SPMAP2L: variants seen among roughly 807,000 people sequenced by gnomAD.
The protein encoded by SPMAP2L is sperm microtubule associated protein 2 like.
chr4:56,562,679 T>A, the SPMAP2L span, among the ~76,000 whole-genome samples: 1 of 152,134 alleles, frequency 6.6e-6, no homozygotes, highest in Non-Finnish European at 1.5e-5. Flanking sequence ...CTTATATCTT[T>A]ATTTTACTTA....
the SPMAP2L span, chr4:56,600,783 A>G: frequency 2.7e-6 from 2 of 743,686 alleles, no homozygotes; most frequent in Admixed American, 2.9e-5. Flanking sequence ...TGCATTGTAC[A>G]GGAGCAAGGA....
the SPMAP2L span, among the ~76,000 whole-genome samples, chr4:56,537,947 C>T: frequency 1.3e-5 from 2 of 152,094 alleles, no homozygotes; most frequent in East Asian, 1.9e-4. Context: ...CCCGCCTCGG[C>T]CCCCCAAAGT....
the SPMAP2L span, among the ~76,000 whole-genome samples, chr4:56,545,896 G>A: frequency 1.3e-5 from 2 of 151,984 alleles, no homozygotes; most frequent in Non-Finnish European, 2.9e-5. Context: ...GGGTTCAAGC[G>A]ATTCTCCTGC....
chr4:56,598,200 T>C, the SPMAP2L span, among the ~76,000 whole-genome samples: 4 of 151,970 alleles, frequency 2.6e-5, no homozygotes, highest in Admixed American at 6.6e-5. Flanking sequence ...TAAAAGAGAG[T>C]AGTAGATGTC....
At chr4:56,536,203 C>T in the SPMAP2L span, among the ~76,000 whole-genome samples, 2 of 152,216 alleles carry the variant, frequency 1.3e-5, no homozygotes, top group Non-Finnish European at 2.9e-5. Flanking sequence ...CTTAGCAGGC[C>T]TACAAGGCCC....
At chr4:56,576,282 G>A in the SPMAP2L span, among the ~76,000 whole-genome samples, 1 of 152,164 alleles carries the variant, frequency 6.6e-6, no homozygotes, top group Non-Finnish European at 1.5e-5. Flanking sequence ...TATGTTATGT[G>A]AAAAATAATT....
the SPMAP2L span, among the ~76,000 whole-genome samples, chr4:56,564,100 T>C: frequency 6.6e-6 from 1 of 151,682 alleles, no homozygotes; most frequent in East Asian, 1.9e-4. Flanking sequence ...TTTCAGACAG[T>C]TTATTAATTT....
At chr4:56,579,096 C>A in the SPMAP2L span, among the ~76,000 whole-genome samples, 3 of 151,934 alleles carry the variant, frequency 2.0e-5, no homozygotes, top group African/African-American at 7.3e-5. Flanking sequence ...TTGAATAACA[C>A]TAGAAACCAA....
At chr4:56,583,402 A>G in the SPMAP2L span, among the ~76,000 whole-genome samples, 1 of 152,172 alleles carries the variant, frequency 6.6e-6, no homozygotes. Flanking sequence ...TGGTGGTTGC[A>G]TATCTTTGTG....
At chr4:56,619,881 AC>A in the SPMAP2L span, among the ~76,000 whole-genome samples, 1 of 152,168 alleles carries the variant, frequency 6.6e-6, no homozygotes, top group Non-Finnish European at 1.5e-5. Flanking sequence ...AAAAACAAAA[AC>A]AAAAACAAAA....
chr4:56,584,048 C>T, the SPMAP2L span, among the ~76,000 whole-genome samples: 5 of 152,002 alleles, frequency 3.3e-5, no homozygotes, highest in African/African-American at 1.2e-4. Context: ...CTCACTGCAG[C>T]CTTGACCTCT....
At chr4:56,572,859 T>C in the SPMAP2L span, among the ~76,000 whole-genome samples, 1 of 151,932 alleles carries the variant, frequency 6.6e-6, no homozygotes, top group Non-Finnish European at 1.5e-5. Context: ...ATACTAAAAA[T>C]ACAAAAATTA....
chr4:56,535,622 C>T, the SPMAP2L span, among the ~76,000 whole-genome samples: 11 of 152,128 alleles, frequency 7.2e-5, no homozygotes, highest in East Asian at 1.9e-4. Context: ...TGCTCCCAGC[C>T]GAATAAAGCC....
At chr4:56,559,490 A>G in the SPMAP2L span, 313 of 1,530,992 alleles carry the variant, frequency 2.0e-4, no homozygotes, top group Non-Finnish European at 2.6e-4. Context: ...GCCCAGCCCA[A>G]GGAAGTTTCC....
the SPMAP2L span, chr4:56,603,130 T>C: frequency 1.0e-6 from 1 of 956,202 alleles, no homozygotes; most frequent in South Asian, 1.7e-5. Context: ...GTACATAACA[T>C]ACAGTGGATG....
At chr4:56,540,610 GAGAA>G in the SPMAP2L span, among the ~76,000 whole-genome samples, 1 of 150,972 alleles carries the variant, frequency 6.6e-6, no homozygotes, top group Non-Finnish European at 1.5e-5. Flanking sequence ...AAGAAAGAGA[GAGAA>G]AGAAGGAAAA....
chr4:56,569,718 G>A, the SPMAP2L span, among the ~76,000 whole-genome samples: 38 of 152,088 alleles, frequency 2.5e-4, no homozygotes, highest in African/African-American at 8.2e-4. Context: ...AAGGTGGGAG[G>A]ATCACTTGAG....
the SPMAP2L span, among the ~76,000 whole-genome samples, chr4:56,589,674 G>T: frequency 1.3e-5 from 2 of 148,748 alleles, no homozygotes. Context: ...TATTCCTAAG[G>T]TTTTTTTTGT....
At chr4:56,547,540 G>A in the SPMAP2L span, among the ~76,000 whole-genome samples, 12,915 of 152,106 alleles carry the variant, frequency 0.085, 616 homozygotes, top group Admixed American at 0.14. Context: ...GCCACTGCAC[G>A]AGGCTGTTTA....
Sources: allele counts gnomAD v4.1 joint callset (sites outside exome capture counted in the v4.1 genomes callset), GRCh38; gene constraint gnomAD v4.1.1; transcripts MANE v1.5; gene names NCBI Gene and HGNC (gene_info 2026-07-23, HGNC 2026-07-21).